The following VPS13B variants were observed in gnomAD, a reference collection of about 807,000 sequenced individuals.
The protein encoded by VPS13B is vacuolar protein sorting 13 homolog B, also known as intermembrane lipid transfer protein VPS13B.
Under a neutral mutation model 426.4 loss-of-function variants are expected in VPS13B, and 285 were observed. The observed-to-expected ratio is 0.67, with a 90% CI of 0.61 to 0.74. VPS13B has a LOEUF of 0.74. Ranked by LOEUF, VPS13B falls within the 30% of genes least tolerant of loss-of-function variation. The pLI is 0.00. For missense variants in VPS13B, 4,537 were observed against 4,782.6 expected (o/e 0.95, Z 1.51); for synonymous variants, 1,676 against 1,676.4 (o/e 1.00, Z 0.01).
chr8:99,361,759 C>T (rs1812573135), intron 19 of VPS13B, among the ~76,000 whole-genome samples: 1 of 152,132 alleles, frequency 6.6e-6, no homozygotes, highest in Admixed American at 6.5e-5. Context: ...TATAGGAAAG[C>T]TGAAGGCAGA....
intron 22 of VPS13B, among the ~76,000 whole-genome samples, chr8:99,438,036 T>TG (rs1262907543): frequency 1.0e-4 from 14 of 137,708 alleles, no homozygotes; most frequent in African/African-American, 3.6e-4. Flanking sequence ...CTTTTCCTCT[T>TG]TTTTTTTTTT....
chr8:99,729,946 G>T (rs948804953), intron 39 of VPS13B, among the ~76,000 whole-genome samples: 13 of 152,224 alleles, frequency 8.5e-5, no homozygotes, highest in Admixed American at 2.0e-4. Context: ...ATAGGCAAAG[G>T]TTATGATATT....
At chr8:99,353,095 C>T (rs940375540) in intron 19 of VPS13B, among the ~76,000 whole-genome samples, 2 of 151,896 alleles carry the variant, frequency 1.3e-5, no homozygotes, top group Non-Finnish European at 1.5e-5. Flanking sequence ...AATTCTTGTG[C>T]TTCATCCTCC....
chr8:99,282,212 C>T (rs1400543716), intron 19 of VPS13B, among the ~76,000 whole-genome samples: 1 of 152,102 alleles, frequency 6.6e-6, no homozygotes, highest in Non-Finnish European at 1.5e-5. Context: ...ATTAAATATC[C>T]TAGGCAAAAC....
chr8:99,253,930 T>C (rs1349174139), intron 17 of VPS13B, among the ~76,000 whole-genome samples: 1 of 152,232 alleles, frequency 6.6e-6, no homozygotes, highest in Non-Finnish European at 1.5e-5. Context: ...GTATTATATT[T>C]CACATTTCTA....
intron 17 of VPS13B, among the ~76,000 whole-genome samples, chr8:99,223,634 A>G (rs889153178): frequency 7.9e-5 from 12 of 152,196 alleles, no homozygotes; most frequent in African/African-American, 2.9e-4. Flanking sequence ...ATAATAGTAC[A>G]AAGGATATAT....
At chr8:99,852,594 C>T (rs1816347636) in intron 55 of VPS13B, among the ~76,000 whole-genome samples, 1 of 152,194 alleles carries the variant, frequency 6.6e-6, no homozygotes, top group Non-Finnish European at 1.5e-5. Context: ...AAGCAAAAAA[C>T]TGAAAGTCCA....
At position 99,340,841 on chromosome 8, in the gene VPS13B, C is replaced by T. The variant is rs150406742; in HGVS notation, c.2825-43367C>T. ...ACCGCCTCAGAGCCTGCAATGCTTC[C>T]GGCTTGGCTTTGTGCCTTTTGTGGG... is the stretch of plus-strand genomic sequence containing the variant. On this transcript the variant is annotated intron_variant, in intron 19 of 61. Coordinates refer to ENST00000357162, the MANE Select transcript of VPS13B (RefSeq NM_152564.5). 238 of 316,892 alleles carry T rather than the reference C, an allele frequency of 7.5e-4. 2 individuals carry two copies. Among genetic ancestry groups the T allele is most frequent in the African/African-American group, 3.9e-3 (176 of 44,628 alleles). The allele number at this position is 316,892 out of a possible 1,614,324, so 19.6% of individuals were successfully genotyped here.
intron 3 of VPS13B, among the ~76,000 whole-genome samples, chr8:99,055,033 G>GTTTTTTTTTTTTTTT (rs775826222): frequency 3.7e-5 from 4 of 109,356 alleles, no homozygotes; most frequent in South Asian, 3.9e-4. Flanking sequence ...TTGTATTTCT[G>GTTTTTTTTTTTTTTT]TTTTTTTTTT....
chr8:99,715,065 G>A (rs542824478), intron 36 of VPS13B, among the ~76,000 whole-genome samples: 8 of 151,900 alleles, frequency 5.3e-5, no homozygotes, highest in African/African-American at 1.9e-4. Flanking sequence ...CTTTTATGTA[G>A]GCCCAAAGTT....
At chr8:99,090,671 AT>A (rs1204882504) in intron 3 of VPS13B, among the ~76,000 whole-genome samples, 54 of 151,564 alleles carry the variant, frequency 3.6e-4, no homozygotes, top group Middle Eastern at 3.4e-3. Context: ...CTTTTTTTAA[AT>A]TTTTTTTTCC....
intron 2 of VPS13B, among the ~76,000 whole-genome samples, chr8:99,028,114 C>A (rs1285057306): frequency 6.6e-6 from 1 of 152,222 alleles, no homozygotes; most frequent in African/African-American, 2.4e-5. Context: ...GTCTACTTCT[C>A]TCCACACAGA....
intron 33 of VPS13B, among the ~76,000 whole-genome samples, chr8:99,640,043 G>GAAGAAGAAGAAGAAGAAGAAGAAGAGAA (rs372915682): frequency 1.2e-5 from 1 of 82,186 alleles, no homozygotes; most frequent in Non-Finnish European, 2.5e-5. Context: ...AGAAGAAGAA[G>GAAGAAGAAGAAGAAGAAGAAGAAGAGAA]AAGAAGAGAA....
intron 40 of VPS13B, among the ~76,000 whole-genome samples, chr8:99,773,504 A>G (rs1811611472): frequency 6.6e-6 from 1 of 152,214 alleles, no homozygotes; most frequent in Non-Finnish European, 1.5e-5. Flanking sequence ...CTCCTTGTTT[A>G]AAGAATTGAT....
At chr8:99,767,643 A>G (rs1195473292) in intron 40 of VPS13B, among the ~76,000 whole-genome samples, 1 of 152,068 alleles carries the variant, frequency 6.6e-6, no homozygotes, top group East Asian at 1.9e-4. Flanking sequence ...GAATCCCTAG[A>G]GCTGGCCGGG....
At chr8:99,337,803 G>T (rs1811007136) in intron 19 of VPS13B, among the ~76,000 whole-genome samples, 1 of 151,884 alleles carries the variant, frequency 6.6e-6, no homozygotes, top group Non-Finnish European at 1.5e-5. Flanking sequence ...TGAAATCCAG[G>T]ATATCCTTCT....
chr8:99,366,281 G>A (rs1812884322), intron 19 of VPS13B, among the ~76,000 whole-genome samples: 1 of 151,884 alleles, frequency 6.6e-6, no homozygotes, highest in South Asian at 2.1e-4. Context: ...CCAGTGTTTG[G>A]TATATTAAAA....
In VPS13B at chr8:99,583,720, G is replaced by A. The variant is rs148756042; in HGVS notation, c.5220+6087G>A. Among the ~76,000 whole-genome samples, 178 of 152,234 alleles carry A rather than the reference G, an allele frequency of 1.2e-3. 2 individuals carry two copies. In the East Asian group the frequency reaches 0.026, roughly 22 times the overall value. The stretch of plus-strand genomic sequence containing the variant: ...AAAGGGACTTTAATTGTGTGGTTGC[G>A]TAATAACAGATGTCTTCTGGAATAG... On this transcript the variant is annotated intron_variant, in intron 33 of 61. Coordinates refer to ENST00000357162, the MANE Select transcript of VPS13B (RefSeq NM_152564.5).
At chr8:99,245,719 G>T (rs577731847) in intron 17 of VPS13B, among the ~76,000 whole-genome samples, 1 of 152,176 alleles carries the variant, frequency 6.6e-6, no homozygotes, top group East Asian at 1.9e-4. Flanking sequence ...TATTTCTATT[G>T]TTTTAGTACA....
Sources: allele counts gnomAD v4.1 joint callset (sites outside exome capture counted in the v4.1 genomes callset), GRCh38; gene constraint gnomAD v4.1.1; transcripts MANE v1.5; gene names NCBI Gene and HGNC (gene_info 2026-07-23, HGNC 2026-07-21).